RIMS2: variants seen among roughly 807,000 people sequenced by gnomAD.
RIMS2 encodes the protein regulating synaptic membrane exocytosis protein 2.
A neutral mutation model predicts 174.4 loss-of-function variants in RIMS2; 59 were observed. The observed-to-expected ratio is 0.34, with a 90% confidence interval of 0.27 to 0.42. RIMS2 has a LOEUF of 0.42. RIMS2 is among the 10% of genes least tolerant of loss of function. The pLI, the probability that RIMS2 is intolerant of heterozygous loss-of-function variation, is 1.00. For missense variants in RIMS2, 1,620 were observed against 1,666.3 expected (o/e 0.97, Z 0.48); for synonymous variants, 606 against 572.5 (o/e 1.06, Z -0.84).
At chr8:103,683,181 C>T (rs181832800) in intron 1 of RIMS2, among the ~76,000 whole-genome samples, 1 of 152,290 alleles carries the variant, frequency 6.6e-6, no homozygotes, top group Non-Finnish European at 1.5e-5. Flanking sequence ...TTATTTAGCT[C>T]ATGTTTCTGC....
intron 2 of RIMS2, among the ~76,000 whole-genome samples, chr8:103,744,879 CTA>C (rs2097793787): frequency 6.6e-6 from 1 of 152,200 alleles, no homozygotes; most frequent in South Asian, 2.1e-4. Context: ...TTCACTCTGA[CTA>C]TACTTTTTTG....
At chr8:103,960,111 GACT>G (rs1450715557) in intron 14 of RIMS2, among the ~76,000 whole-genome samples, 1 of 152,164 alleles carries the variant, frequency 6.6e-6, no homozygotes, top group African/African-American at 2.4e-5. Context: ...CCGCTAGCAA[GACT>G]AATAAAGAAT....
At chr8:103,584,558 T>G (rs2093799434) in intron 1 of RIMS2, among the ~76,000 whole-genome samples, 1 of 152,098 alleles carries the variant, frequency 6.6e-6, no homozygotes, top group Admixed American at 6.5e-5. Flanking sequence ...ACAAATTATT[T>G]ATGAAAAAAG....
At chr8:103,532,994 A>G (rs1162852927) in intron 1 of RIMS2, among the ~76,000 whole-genome samples, 2 of 152,236 alleles carry the variant, frequency 1.3e-5, no homozygotes, top group Non-Finnish European at 2.9e-5. Context: ...CTAAAGGAAT[A>G]TAATATATGT....
intron 3 of RIMS2, among the ~76,000 whole-genome samples, chr8:103,783,593 G>T (rs1238604366): frequency 2.0e-5 from 3 of 151,938 alleles, no homozygotes; most frequent in Non-Finnish European, 4.4e-5. Context: ...CAAAGGACAT[G>T]AACTCATCAT....
intron 2 of RIMS2, among the ~76,000 whole-genome samples, chr8:103,706,161 G>A (rs980868503): frequency 4.6e-5 from 7 of 151,886 alleles, no homozygotes; most frequent in African/African-American, 7.3e-5. Context: ...AACTTCCCGT[G>A]GATTTCAAAG....
At chr8:103,998,186 C>A (rs2154551696) in intron 17 of RIMS2, 1 of 1,600,886 alleles carries the variant, frequency 6.2e-7, no homozygotes, top group South Asian at 1.1e-5. Context: ...TGCTTGCAGT[C>A]ATTTTCTTAC....
At chr8:103,870,133 C>T (rs2099103456) in intron 3 of RIMS2, among the ~76,000 whole-genome samples, 1 of 33,916 alleles carries the variant, frequency 2.9e-5, no homozygotes, top group African/African-American at 1.3e-4. Flanking sequence ...ATAAGGACAG[C>T]TGTTTTTTTT....
chr8:104,248,634 G>A, intron 20 of RIMS2, 67 bp from the exon 27 acceptor site: 1 of 887,262 alleles, frequency 1.1e-6, no homozygotes, highest in Admixed American at 1.7e-5. Flanking sequence ...AGGCTAGAAT[G>A]AAACCAAGCT....
rs573434355 is a variant in RIMS2, at chr8:103,911,626, T to C, written c.1693-427T>C. 3.0e-4 allele frequency among the ~76,000 whole-genome samples: 46 copies of C among 152,338 alleles called. No individual in the cohort carries two copies. The Middle Eastern group carries it at 0.01, about 34-fold the overall frequency. The stretch of plus-strand genomic sequence containing the variant: ...TTTACTGTAATACAGGCTTTCAAAA[T>C]CTTCCAAAAGTGTTTGAAGAGGAAA... On this transcript the variant is annotated intron_variant, in intron 5 of 23. Coordinates refer to ENST00000504942, the Ensembl canonical transcript of RIMS2.
chr8:103,570,777 C>G (rs922051607), intron 1 of RIMS2, among the ~76,000 whole-genome samples: 6 of 152,086 alleles, frequency 3.9e-5, no homozygotes, highest in Non-Finnish European at 7.4e-5. Context: ...AGTCTAGTCT[C>G]TGTTTTGTAT....
chr8:103,875,186 G>T (rs1309192672), intron 3 of RIMS2, among the ~76,000 whole-genome samples: 9 of 151,978 alleles, frequency 5.9e-5, no homozygotes, highest in Admixed American at 5.9e-4. Flanking sequence ...GTGTAGTAGT[G>T]AAACCTGAGC....
chr8:104,029,580 T>C (rs2096341753), intron 19 of RIMS2, among the ~76,000 whole-genome samples: 1 of 152,184 alleles, frequency 6.6e-6, no homozygotes, highest in South Asian at 2.1e-4. Context: ...TACCAGCATA[T>C]GTTACTTTTC....
chr8:103,679,112 CA>C, intron 1 of RIMS2, among the ~76,000 whole-genome samples: 1 of 152,058 alleles, frequency 6.6e-6, no homozygotes. Context: ...AGACCAGAGG[CA>C]AACCCTTTTT....
At chr8:103,688,138 T>A (rs1471340184) in intron 1 of RIMS2, among the ~76,000 whole-genome samples, 1 of 152,154 alleles carries the variant, frequency 6.6e-6, no homozygotes, top group Non-Finnish European at 1.5e-5. Flanking sequence ...CTATGTTGAA[T>A]ATAAGTTGCA....
At chr8:103,611,521 G>A (rs1034489098) in intron 1 of RIMS2, among the ~76,000 whole-genome samples, 14 of 146,490 alleles carry the variant, frequency 9.6e-5, no homozygotes, top group Non-Finnish European at 1.5e-5. Flanking sequence ...GCCTTTGTTT[G>A]TGTTGGGAGG....
At chr8:103,934,694 C>A (rs549517400) in intron 12 of RIMS2, among the ~76,000 whole-genome samples, 2 of 148,442 alleles carry the variant, frequency 1.3e-5, no homozygotes, top group African/African-American at 4.9e-5. Flanking sequence ...TTGATATAAA[C>A]CATTCTTTTT....
intron 17 of RIMS2, among the ~76,000 whole-genome samples, chr8:103,991,579 A>G (rs1565721392): frequency 6.6e-6 from 1 of 152,078 alleles, no homozygotes; most frequent in African/African-American, 2.4e-5. Flanking sequence ...CATGAATAGC[A>G]TTTTAATCAA....
chr8:104,160,170 A>G (rs2098752378), intron 19 of RIMS2, among the ~76,000 whole-genome samples: 4 of 152,162 alleles, frequency 2.6e-5, no homozygotes, highest in Admixed American at 1.3e-4. Flanking sequence ...TATATTAATA[A>G]TAACATATAT....
Sources: gnomAD v4.1 joint callset for allele counts (sites outside exome capture counted in the v4.1 genomes callset) on GRCh38, gnomAD v4.1.1 for gene constraint, MANE v1.5 for transcripts, NCBI Gene and HGNC (gene_info 2026-07-23, HGNC 2026-07-21) for gene names.